Variants in ADGRL3 observed in about 807,000 individuals in gnomAD.
The protein encoded by ADGRL3 is calcium-independent alpha-latrotoxin receptor 3.
ADGRL3 carries 62 observed loss-of-function variants against 153.5 expected under a neutral mutation model. The observed-to-expected ratio is 0.40, with a 90% CI of 0.33 to 0.50. The LOEUF (loss-of-function observed/expected upper bound fraction) is 0.50, where lower values mean the gene tolerates loss of function less well. Ranked by LOEUF, ADGRL3 falls within the 20% of genes least tolerant of loss-of-function variation. The pLI is 0.47. For missense variants in ADGRL3, 1,641 were observed against 1,859.4 expected (o/e 0.88, Z 2.16); for synonymous variants, 710 against 672.5 (o/e 1.06, Z -0.86).
chr4:61,737,072 T>C (rs959971124), intron 8 of ADGRL3, among the ~76,000 whole-genome samples: 1 of 134,614 alleles, frequency 7.4e-6, no homozygotes. Flanking sequence ...TTACATTGAC[T>C]TTTTTTTTTT....
chr4:61,711,491 TAC>T (rs1554009882), intron 6 of ADGRL3, among the ~76,000 whole-genome samples: 31 of 89,200 alleles, frequency 3.5e-4, no homozygotes, highest in South Asian at 7.6e-4. Flanking sequence ...TATATATATA[TAC>T]ACACACACAC....
At chr4:61,888,326 A>G (rs1485869527) in intron 9 of ADGRL3, among the ~76,000 whole-genome samples, 9 of 152,270 alleles carry the variant, frequency 5.9e-5, no homozygotes, top group African/African-American at 1.2e-4. Context: ...TAAGCTAGCT[A>G]TGTCATCAGG....
chr4:61,352,804 T>C (rs559613667), intron 1 of ADGRL3, among the ~76,000 whole-genome samples: 2 of 152,340 alleles, frequency 1.3e-5, no homozygotes, highest in Non-Finnish European at 2.9e-5. Context: ...GGCCTGCCCA[T>C]ACTACTTTTG....
At chr4:61,341,668 C>T (rs2095810985) in intron 1 of ADGRL3, among the ~76,000 whole-genome samples, 1 of 151,892 alleles carries the variant, frequency 6.6e-6, no homozygotes, top group African/African-American at 2.4e-5. Flanking sequence ...ATATCTTCTT[C>T]TGATAGTGTA....
At chr4:61,355,320 G>A (rs2096142478) in intron 1 of ADGRL3, among the ~76,000 whole-genome samples, 1 of 152,046 alleles carries the variant, frequency 6.6e-6, no homozygotes, top group African/African-American at 2.4e-5. Context: ...CTCTGCTGAA[G>A]TGCCTTTCTC....
chr4:61,704,204 A>G (rs1439918657), intron 6 of ADGRL3, among the ~76,000 whole-genome samples: 1 of 152,184 alleles, frequency 6.6e-6, no homozygotes, highest in Non-Finnish European at 1.5e-5. Context: ...AATGTATCAG[A>G]GTCTCCCACT....
intron 8 of ADGRL3, among the ~76,000 whole-genome samples, chr4:61,759,398 C>A (rs1227144535): frequency 6.6e-6 from 1 of 151,948 alleles, no homozygotes; most frequent in Non-Finnish European, 1.5e-5. Context: ...TCTAAACTTC[C>A]CTTCTCGCTT....
At chr4:61,562,389 C>A (rs2098798920) in intron 4 of ADGRL3, among the ~76,000 whole-genome samples, 1 of 152,136 alleles carries the variant, frequency 6.6e-6, no homozygotes, top group African/African-American at 2.4e-5. Flanking sequence ...CCCTTTCACA[C>A]AATATTTCTT....
chr4:61,567,473 C>T (rs554294244), intron 4 of ADGRL3, among the ~76,000 whole-genome samples: 1 of 152,186 alleles, frequency 6.6e-6, no homozygotes, highest in East Asian at 1.9e-4. Flanking sequence ...CCTCAGAGAG[C>T]TGACTTGCCC....
chr4:61,315,613 G>A (rs1440593327), intron 1 of ADGRL3, among the ~76,000 whole-genome samples: 1 of 152,120 alleles, frequency 6.6e-6, no homozygotes, highest in Non-Finnish European at 1.5e-5. Context: ...GAGGCCTGGA[G>A]ATATAAATGT....
At chr4:61,861,292 G>A (rs907721132) in intron 9 of ADGRL3, among the ~76,000 whole-genome samples, 1 of 152,088 alleles carries the variant, frequency 6.6e-6, no homozygotes, top group African/African-American at 2.4e-5. Flanking sequence ...AATTGCACAG[G>A]GTGTTGTGAA....
intron 1 of ADGRL3, among the ~76,000 whole-genome samples, chr4:61,234,475 C>G (rs1437593242): frequency 6.6e-6 from 1 of 152,070 alleles, no homozygotes; most frequent in African/African-American, 2.4e-5. Context: ...GATGGGGACA[C>G]AGCCAAACTA....
chr4:61,906,995 C>T (rs1448729417), intron 11 of ADGRL3, among the ~76,000 whole-genome samples: 1 of 151,968 alleles, frequency 6.6e-6, no homozygotes, highest in Non-Finnish European at 1.5e-5. Flanking sequence ...CTGTGTTGGA[C>T]TGCCTTTAAA....
chr4:61,958,200 A>C (rs1027803264), intron 17 of ADGRL3, among the ~76,000 whole-genome samples: 10 of 152,276 alleles, frequency 6.6e-5, no homozygotes, highest in Middle Eastern at 3.4e-3. Flanking sequence ...TTGCAACCCC[A>C]GTGCCTTTTA....
At chr4:61,833,552 G>T (rs1210395760) in intron 9 of ADGRL3, among the ~76,000 whole-genome samples, 2 of 152,098 alleles carry the variant, frequency 1.3e-5, no homozygotes, top group African/African-American at 4.8e-5. Flanking sequence ...GTCAATTCCT[G>T]GGTGGGGGCC....
chr4:61,893,552 C>T (rs11131347), intron 10 of ADGRL3, among the ~76,000 whole-genome samples: 74,867 of 151,830 alleles, frequency 0.49, 18,643 homozygotes, highest in East Asian at 0.55. Context: ...CTCTCCTTTT[C>T]ATCAGCCATT....
At chr4:61,989,350 C>T (rs1049099454) in intron 19 of ADGRL3, among the ~76,000 whole-genome samples, 1 of 151,994 alleles carries the variant, frequency 6.6e-6, no homozygotes, top group Admixed American at 6.6e-5. Context: ...ACTTCATTGA[C>T]ATAAAGCATT....
At chr4:61,536,014 T>C (rs931678851) in intron 4 of ADGRL3, among the ~76,000 whole-genome samples, 1 of 152,074 alleles carries the variant, frequency 6.6e-6, no homozygotes, top group African/African-American at 2.4e-5. Flanking sequence ...ATCTTTCTTT[T>C]TGATGTAGGC....
chr4:61,699,716 C>T (rs1236781521), intron 6 of ADGRL3, among the ~76,000 whole-genome samples: 4 of 152,066 alleles, frequency 2.6e-5, no homozygotes, highest in Non-Finnish European at 5.9e-5. Context: ...TTCTTAAAAA[C>T]ATAATAATTA....
Sources: allele counts gnomAD v4.1 joint callset (sites outside exome capture counted in the v4.1 genomes callset), GRCh38; gene constraint gnomAD v4.1.1; transcripts MANE v1.5; gene names NCBI Gene and HGNC (gene_info 2026-07-23, HGNC 2026-07-21).